The following TEX53 variants were observed in gnomAD, a reference collection of about 807,000 sequenced individuals.
TEX53 encodes testis-expressed protein 53.
rs2133748503 is a variant in TEX53 at position 114,656,603 on chromosome 9, C to T, written c.139G>A (p.Val47Ile). Residue 47 changes from valine to isoleucine, a missense_variant, in exon 2 of 2, where the codon GTA becomes ATA. By Grantham distance (29) the Val-to-Ile change is conservative. Transcript: ENST00000423632. ...GGGAGGCGTGGATGTCTTTTTGGTA[C>T]AGCACTGTGGAGAGAATTTGTGTTC... ...NLNTNSLHSA[V>I]PKRHPRLPYD... is the part of the protein sequence containing the mutation. 2 of 398,570 alleles carry T rather than the reference C, an allele frequency of 5.0e-6. No homozygotes were observed. The highest frequency in any genetic ancestry group is 8.8e-6 in the Non-Finnish European group (2 of 226,080). The allele number at this position is 398,570 out of a possible 1,614,324, so 24.7% of individuals were successfully genotyped here.
In TEX53 at chr9:114,656,458, G is replaced by C; in HGVS notation, c.*71C>G. On this transcript the variant is annotated 3_prime_UTR_variant, in exon 2 of 2. Coordinates refer to ENST00000423632, the MANE Select transcript of TEX53 (RefSeq NM_001354645.2). ...TCAGTCTTCATGACTCTTGTCCACT[G>C]CCCTCTTCCTCATGGAAGCCCAGCA... 2.5e-6 allele frequency: 1 copy of C among 397,730 alleles called. No individual in the cohort carries two copies. Among genetic ancestry groups the C allele is most frequent in the Non-Finnish European group, 4.4e-6 (1 of 225,588 alleles). 24.6% of individuals were successfully genotyped at this position (397,730 alleles called of 1,614,324 possible).
chr9:114,656,392 A>T lies in TEX53; in HGVS notation c.*137T>A, dbSNP rs527596575. On this transcript the variant is annotated 3_prime_UTR_variant, in exon 2 of 2. Transcript: ENST00000423632. ...AGTGACTCTTGGTGGTGGCACAGGGATGGCTCAGACGTCTTCTCCTCCTGC... is the reference window on the plus strand; with the variant it reads ...AGTGACTCTTGGTGGTGGCACAGGGTTGGCTCAGACGTCTTCTCCTCCTGC... The T allele has an allele frequency of 5.1e-6, 2 of 391,088 alleles. No homozygotes were observed. Among genetic ancestry groups the T allele is most frequent in the South Asian group, 2.9e-4 (2 of 7,008 alleles). 24.2% of individuals were successfully genotyped at this position (391,088 alleles called of 1,614,324 possible). A position where few individuals can be genotyped will look rare whatever the true frequency, so the allele number is the denominator to read the frequency against.
chr9:114,656,673 TTGAG>T (rs915015144), intron 1 of TEX53, 41 bp from the exon 2 acceptor site: 1 of 398,248 alleles, frequency 2.5e-6, no homozygotes, highest in Non-Finnish European at 4.4e-6. Flanking sequence ...GGTAAAGGCT[TTGAG>T]TGATGCGCGT....
Position 114,657,342 on chromosome 9 carries a change from C to G in TEX53, c.109+324G>C, listed in dbSNP as rs146098455. ...GGAGGGTCGGCGACATGCCCAAACTCAGTAAGCAGCAGAGGCAGAGTTTAA... is the reference window on the plus strand; with the variant it reads ...GGAGGGTCGGCGACATGCCCAAACTGAGTAAGCAGCAGAGGCAGAGTTTAA... On this transcript the variant is annotated intron_variant, in intron 1 of 1. Transcript: ENST00000423632. Among the ~76,000 whole-genome samples, 564 of 152,242 alleles carry G rather than the reference C, an allele frequency of 3.7e-3. 6 individuals are homozygous for G. The highest frequency in any genetic ancestry group is 0.017 in the East Asian group (86 of 5,180).
At chr9:114,657,239 C>T (rs1270885149) in intron 1 of TEX53, among the ~76,000 whole-genome samples, 5 of 152,126 alleles carry the variant, frequency 3.3e-5, no homozygotes, top group African/African-American at 7.2e-5. Flanking sequence ...CTGCCTTCAT[C>T]CTCCTAACAG....
At position 114,656,434 on chromosome 9, in the gene TEX53, C is replaced by A; in HGVS notation, c.*95G>T. ...TCCTCCTGCAGGGGAGTTTCTGAAT[C>A]AGTCTTCATGACTCTTGTCCACTGC... On this transcript the variant is annotated 3_prime_UTR_variant, in exon 2 of 2. Coordinates refer to ENST00000423632, the MANE Select transcript of TEX53 (RefSeq NM_001354645.2). The A allele has an allele frequency of 5.0e-6, 2 of 396,114 alleles. No individual in the cohort carries two copies. The highest frequency in any genetic ancestry group is 2.6e-4 in the South Asian group (2 of 7,578). 24.5% of individuals were successfully genotyped at this position (396,114 alleles called of 1,614,324 possible).
Position 114,657,781 on chromosome 9 carries a change from G to C in TEX53, c.-7C>G, listed in dbSNP as rs1827729870. Reference sequence around the variant, plus strand: ...AGAAGATCTTGGACCCCATGTTTTGGTGCGCGGTGGGAGGAGGAAAGGGCA... The same window carrying C: ...AGAAGATCTTGGACCCCATGTTTTGCTGCGCGGTGGGAGGAGGAAAGGGCA... On this transcript the variant is annotated 5_prime_UTR_variant, in exon 1 of 2. Transcript: ENST00000423632. The C allele has an allele frequency of 2.5e-6, 1 of 398,728 alleles. No homozygotes were observed. The highest frequency in any genetic ancestry group is 1.3e-4 in the South Asian group (1 of 7,864). 24.7% of individuals were successfully genotyped at this position (398,728 alleles called of 1,614,324 possible). A position where few individuals can be genotyped will look rare whatever the true frequency, so the allele number is the denominator to read the frequency against.
rs1451329968 is a variant in TEX53, at chr9:114,656,641, A to G, written c.110-9T>C. On this transcript the variant is annotated splice_polypyrimidine_tract_variant and intron_variant, in intron 1 of 1. Transcript: ENST00000423632. ...AGAATTTGTGTTCAGATCTGAAAGA[A>G]CAGAGGAATAAACTTATCCTGGGTA... The G allele has an allele frequency of 2.5e-6, 1 of 398,500 alleles. No individual in the cohort carries two copies. The highest frequency in any genetic ancestry group is 4.4e-6 in the Non-Finnish European group (1 of 226,058). 24.7% of individuals were successfully genotyped at this position (398,500 alleles called of 1,614,324 possible).
In TEX53 at chr9:114,657,761, A is replaced by G. The variant is rs1257175478; in HGVS notation, c.14T>C (p.Ile5Thr). 2 of 398,620 alleles carry G rather than the reference A, an allele frequency of 5.0e-6. No individual in the cohort carries two copies. Among genetic ancestry groups the G allele is most frequent in the South Asian group, 1.3e-4 (1 of 7,858 alleles). The allele number at this position is 398,620 out of a possible 1,614,324, so 24.7% of individuals were successfully genotyped here. A position where few individuals can be genotyped will look rare whatever the true frequency, so the allele number is the denominator to read the frequency against. Reference protein sequence around the residue: MGSKIFCCCRKTSEG... With the variant: MGSKTFCCCRKTSEG... ...GCTGGTCTTGCGGCAACAACAGAAG[A>G]TCTTGGACCCCATGTTTTGGTGCGC... The change falls in exon 1 of 2, where the codon ATC (isoleucine) becomes ACC (threonine). Residue 5 changes from isoleucine (I) to threonine (T), a missense_variant. Ile to Thr is a moderately conservative substitution (Grantham distance 89). Transcript: ENST00000423632.
intron 1 of TEX53, among the ~76,000 whole-genome samples, chr9:114,657,061 A>G (rs1315826451): frequency 6.6e-6 from 1 of 152,116 alleles, no homozygotes; most frequent in Non-Finnish European, 1.5e-5. Context: ...TATTTTTAGT[A>G]GAGACGGGGT....
intron 1 of TEX53, among the ~76,000 whole-genome samples, 170 bp downstream of exon 1, chr9:114,657,496 G>A (rs1827726570): frequency 6.6e-6 from 1 of 152,180 alleles, no homozygotes; most frequent in African/African-American, 2.4e-5. Flanking sequence ...ATAACTGATA[G>A]AGTCTTTAGA....
chr9:114,657,596 G>T, intron 1 of TEX53, 70 bp downstream of exon 1: 1 of 398,044 alleles, frequency 2.5e-6, no homozygotes, highest in Non-Finnish European at 4.4e-6. Context: ...GGAGGTGGCC[G>T]GGGAGGCCGA....
In TEX53 at chr9:114,657,652, C is replaced by T. The variant is rs570606078; in HGVS notation, c.109+14G>A. On this transcript the variant is annotated intron_variant, in intron 1 of 1. Coordinates refer to ENST00000423632, the MANE Select transcript of TEX53 (RefSeq NM_001354645.2). ...TGTTCCTGACACTATCACACACCCACGTCTGGAACCTACTGAAGGACCGTG... is the reference window on the plus strand; with the variant it reads ...TGTTCCTGACACTATCACACACCCATGTCTGGAACCTACTGAAGGACCGTG... The T allele has an allele frequency of 2.0e-5, 8 of 398,528 alleles. No individual in the cohort carries two copies. Among genetic ancestry groups the T allele is most frequent in the East Asian group, 3.6e-5 (1 of 28,076 alleles). 24.7% of individuals were successfully genotyped at this position (398,528 alleles called of 1,614,324 possible).
At position 114,656,573 on chromosome 9, in the gene TEX53, CAT is replaced by C. The variant is rs1301157587; in HGVS notation, c.167_168del (p.Tyr56Ter). 5.0e-6 allele frequency: 2 copies of C among 398,418 alleles called. No individual in the cohort carries two copies. The highest frequency in any genetic ancestry group is 8.8e-6 in the Non-Finnish European group (2 of 226,086). The allele number at this position is 398,418 out of a possible 1,614,324, so 24.7% of individuals were successfully genotyped here. A position where few individuals can be genotyped will look rare whatever the true frequency, so the allele number is the denominator to read the frequency against. Reference sequence around the variant, plus strand: ...CACGCCTTGAGCATCATGCGGTTGTCATAGGGGAGGCGTGGATGTCTTTTTGG... The same window carrying C: ...CACGCCTTGAGCATCATGCGGTTGTCAGGGGAGGCGTGGATGTCTTTTTGG... ...AVPKRHPRLP[Y>X]DNRMMLKACI... On this transcript the variant is annotated frameshift_variant, in exon 2 of 2. Coordinates refer to ENST00000423632, the MANE Select transcript of TEX53 (RefSeq NM_001354645.2). LOFTEE classifies it low-confidence loss of function (END_TRUNC).
At chr9:114,657,536 C>A in intron 1 of TEX53, 130 bp downstream of exon 1, 2 of 396,790 alleles carry the variant, frequency 5.0e-6, no homozygotes, top group Non-Finnish European at 8.9e-6. Context: ...AGTAACTACG[C>A]CCTTTCCACA....
In TEX53 at chr9:114,656,606, C is replaced by G. The variant is rs1383001972; in HGVS notation, c.136G>C (p.Ala46Pro). The G allele has an allele frequency of 2.0e-5, 8 of 398,602 alleles. No homozygotes were observed. In the East Asian group the frequency reaches 2.9e-4, roughly 14 times the overall value. The allele number at this position is 398,602 out of a possible 1,614,324, so 24.7% of individuals were successfully genotyped here. A position where few individuals can be genotyped will look rare whatever the true frequency, so the allele number is the denominator to read the frequency against. ...AGGCGTGGATGTCTTTTTGGTACAG[C>G]ACTGTGGAGAGAATTTGTGTTCAGA... Reference protein sequence around the residue: ...FNLNTNSLHSAVPKRHPRLPY... With the variant: ...FNLNTNSLHSPVPKRHPRLPY... The change falls in exon 2 of 2, where the codon GCT becomes CCT. Residue 46 changes from alanine (A) to proline (P), a missense_variant. By Grantham distance (27) the Ala-to-Pro change is conservative. Coordinates refer to ENST00000423632, the MANE Select transcript of TEX53 (RefSeq NM_001354645.2).
chr9:114,657,119 GC>G (rs1279148947), intron 1 of TEX53, among the ~76,000 whole-genome samples: 1 of 152,124 alleles, frequency 6.6e-6, no homozygotes, highest in African/African-American at 2.4e-5. Context: ...CTCGTGATCT[GC>G]CCGCCTCAGT....
intron 1 of TEX53, 51 bp from the exon 2 acceptor site, chr9:114,656,683 C>T (rs186302772): frequency 5.8e-5 from 23 of 397,920 alleles, no homozygotes; most frequent in Non-Finnish European, 9.3e-5. Context: ...TTGAGTGATG[C>T]GCGTATAACC....
chr9:114,657,318 G>T (rs2133748923), intron 1 of TEX53, among the ~76,000 whole-genome samples: 1 of 152,332 alleles, frequency 6.6e-6, no homozygotes, highest in African/African-American at 2.4e-5. Context: ...CTTAGAGAGG[G>T]AGGGTCGGCG....
Sources: gnomAD v4.1 joint callset for allele counts (sites outside exome capture counted in the v4.1 genomes callset) on GRCh38, gnomAD v4.1.1 for gene constraint, MANE v1.5 for transcripts, NCBI Gene and HGNC (gene_info 2026-07-23, HGNC 2026-07-21) for gene names.